Variants in PREX1 observed in about 807,000 individuals in gnomAD.
The protein encoded by PREX1 is phosphatidylinositol 3,4,5-trisphosphate-dependent Rac exchanger 1 protein.
A neutral mutation model predicts 198.3 loss-of-function variants in PREX1; 41 were observed. The ratio of observed to expected loss-of-function variants is 0.21; its 90% CI spans 0.16 to 0.27. The LOEUF (loss-of-function observed/expected upper bound fraction) is 0.27, where lower values mean the gene tolerates loss of function less well. Ranked by LOEUF, PREX1 falls within the 10% of genes least tolerant of loss-of-function variation. The pLI is 1.00. For synonymous variants in PREX1, 843 were observed against 887.2 expected, an observed-to-expected ratio of 0.95 and a Z score of 0.89; for missense variants, 1,620 against 2,200.7, an observed-to-expected ratio of 0.74 and a Z score of 5.28.
intron 1 of PREX1, among the ~76,000 whole-genome samples, chr20:48,802,541 A>C (rs2090392270): frequency 6.6e-6 from 1 of 152,216 alleles, no homozygotes; most frequent in Non-Finnish European, 1.5e-5. Flanking sequence ...TGATCATCAG[A>C]TCCAAAACAG....
chr20:48,638,282 A>G lies in PREX1; in HGVS notation c.3905-530T>C, dbSNP rs145964551. ...CACTCATCTGCAGACTCACATACATATGTACACACACAGGTACACACACAT... is the reference window on the plus strand; with the variant it reads ...CACTCATCTGCAGACTCACATACATGTGTACACACACAGGTACACACACAT... On this transcript the variant is annotated intron_variant, in intron 30 of 39. Transcript: ENST00000371941. Among the ~76,000 whole-genome samples, 5 of 152,260 alleles carry G rather than the reference A, an allele frequency of 3.3e-5. No individual in the cohort carries two copies. The East Asian group carries it at 9.6e-4, about 29-fold the overall frequency.
the PREX1 span, among the ~76,000 whole-genome samples, chr20:48,882,523 A>G: frequency 6.7e-6 from 1 of 149,628 alleles, no homozygotes; most frequent in South Asian, 2.1e-4. Flanking sequence ...AAAAAAAAAA[A>G]AAAGAGAGAA....
chr20:48,857,385 T>C, the PREX1 span, among the ~76,000 whole-genome samples: 2 of 152,092 alleles, frequency 1.3e-5, no homozygotes, highest in Non-Finnish European at 2.9e-5. Context: ...ATGGATGAAA[T>C]AAACCAGAGG....
At chr20:48,768,150 A>C (rs1451712427) in intron 1 of PREX1, among the ~76,000 whole-genome samples, 1 of 152,226 alleles carries the variant, frequency 6.6e-6, no homozygotes, top group Non-Finnish European at 1.5e-5. Context: ...TATGTATGTA[A>C]CACAGAGTAA....
intron 14 of PREX1, among the ~76,000 whole-genome samples, chr20:48,674,556 G>A (rs1019076707): frequency 3.3e-5 from 5 of 152,090 alleles, no homozygotes; most frequent in African/African-American, 4.8e-5. Flanking sequence ...TTGAGGACTC[G>A]CTGAAAAATT....
intron 3 of PREX1, 88 bp from the exon 4 acceptor site, chr20:48,734,738 AGGG>A: frequency 1.7e-6 from 2 of 1,180,666 alleles, no homozygotes; most frequent in Non-Finnish European, 2.5e-6. Flanking sequence ...CTGGTAGGGT[AGGG>A]GTAAGGACTA....
the PREX1 span, among the ~76,000 whole-genome samples, chr20:48,854,385 G>A: frequency 1.3e-5 from 2 of 152,134 alleles, no homozygotes; most frequent in Admixed American, 1.3e-4. Flanking sequence ...GGCAGAGTGT[G>A]TACAAAAGAA....
chr20:48,630,188 C>A (rs986121063), intron 36 of PREX1, among the ~76,000 whole-genome samples: 2 of 152,168 alleles, frequency 1.3e-5, no homozygotes, highest in South Asian at 2.1e-4. Flanking sequence ...CCCTAGAAAA[C>A]CAGGAGGCCA....
chr20:48,804,153 G>A (rs2090399692), intron 1 of PREX1, among the ~76,000 whole-genome samples: 1 of 152,240 alleles, frequency 6.6e-6, no homozygotes, highest in Non-Finnish European at 1.5e-5. Flanking sequence ...CGACTGGATA[G>A]CTCGTCCTTC....
At chr20:48,750,967 A>C (rs1034805207) in intron 1 of PREX1, among the ~76,000 whole-genome samples, 1 of 152,218 alleles carries the variant, frequency 6.6e-6, no homozygotes, top group Non-Finnish European at 1.5e-5. Context: ...TCATAGGAAT[A>C]CAGCACCTTT....
In PREX1 at chr20:48,734,196, C is replaced by T. The variant is rs539358589; in HGVS notation, c.519+350G>A. Among the ~76,000 whole-genome samples, 12 of 152,240 alleles carry T rather than the reference C, an allele frequency of 7.9e-5. No homozygotes were observed. The South Asian group carries it at 2.3e-3, about 29-fold the overall frequency. On this transcript the variant is annotated intron_variant, in intron 4 of 39. Coordinates refer to ENST00000371941, the MANE Select transcript of PREX1 (RefSeq NM_020820.4). Reference sequence around the variant, plus strand: ...TTTTTAATAGAACCCTTACTTTAGACCAGGAATGGGCAAAGTCAACCCTAA... The same window carrying T: ...TTTTTAATAGAACCCTTACTTTAGATCAGGAATGGGCAAAGTCAACCCTAA...
chr20:48,743,871 G>C (rs2090093927), intron 3 of PREX1, among the ~76,000 whole-genome samples: 1 of 152,208 alleles, frequency 6.6e-6, no homozygotes, highest in African/African-American at 2.4e-5. Flanking sequence ...TCTTGGGGTA[G>C]TCTGCACGCC....
the PREX1 span, among the ~76,000 whole-genome samples, chr20:48,874,750 G>A: frequency 0.16 from 24,791 of 151,780 alleles, 2,103 homozygotes; most frequent in Non-Finnish European, 0.19. Context: ...GGTGACACAC[G>A]GCTATAGTCC....
chr20:48,700,873 GT>G lies in PREX1; in HGVS notation c.796del (p.Thr266GlnfsTer14). Reference protein sequence around the residue: ...HIEGWEGSNLTDICTQLLLQG... With the variant: ...HIEGWEGSNLXDICTQLLLQG... ...CAGGAGGAGCTGAGTGCAGATGTCT[GT>G]GAGGTTGGAACCCTGGAAGCGCAAT... On this transcript the variant is annotated frameshift_variant, in exon 7 of 40. Coordinates refer to ENST00000371941, the MANE Select transcript of PREX1 (RefSeq NM_020820.4). LOFTEE classifies it high-confidence loss of function. 1 of 1,614,178 alleles carries G rather than the reference GT, an allele frequency of 6.2e-7. No homozygotes were observed.
intron 1 of PREX1, among the ~76,000 whole-genome samples, chr20:48,769,752 A>C (rs1339172069): frequency 6.6e-6 from 1 of 152,144 alleles, no homozygotes; most frequent in Non-Finnish European, 1.5e-5. Context: ...TCACCTCCTC[A>C]GTGAAGCCTG....
In PREX1 at chr20:48,628,014, G is replaced by A. The variant is rs117803575; in HGVS notation, c.4767-51C>T. ...GGTTGGCGGTGGGGGGACAGGGGTC[G>A]GGGGAGGACAGCGGGAGTCAGAGGA... On this transcript the variant is annotated intron_variant, in intron 37 of 39. Coordinates refer to ENST00000371941, the MANE Select transcript of PREX1 (RefSeq NM_020820.4). 2.5e-3 allele frequency: 2,721 copies of A among 1,071,794 alleles called. 42 individuals are homozygous for A. The highest frequency in any genetic ancestry group is 0.02 in the East Asian group (794 of 40,324). 66.4% of individuals were successfully genotyped at this position (1,071,794 alleles called of 1,614,324 possible).
chr20:48,828,089 C>G (rs1375287251), upstream of PREX1, among the ~76,000 whole-genome samples: 1 of 148,028 alleles, frequency 6.8e-6, no homozygotes, highest in Non-Finnish European at 1.5e-5. Flanking sequence ...TCCCAGACGG[C>G]TGGCCCCCCG....
intron 1 of PREX1, among the ~76,000 whole-genome samples, chr20:48,748,596 C>T (rs2090120083): frequency 6.6e-6 from 1 of 152,190 alleles, no homozygotes; most frequent in South Asian, 2.1e-4. Context: ...CAAGAAGCTT[C>T]CTTGCAGATG....
intron 1 of PREX1, among the ~76,000 whole-genome samples, chr20:48,815,459 A>G (rs914463891): frequency 2.0e-5 from 3 of 152,248 alleles, no homozygotes; most frequent in African/African-American, 7.2e-5. Context: ...GGAAATCACT[A>G]AACAATGAGT....
Sources: gnomAD v4.1 joint callset for allele counts (sites outside exome capture counted in the v4.1 genomes callset) on GRCh38, gnomAD v4.1.1 for gene constraint, MANE v1.5 for transcripts, NCBI Gene and HGNC (gene_info 2026-07-23, HGNC 2026-07-21) for gene names.